The following FSTL5 variants were observed in gnomAD, a reference collection of about 807,000 sequenced individuals.
The protein encoded by FSTL5 is follistatin-related protein 5.
A neutral mutation model predicts 89.1 loss-of-function variants in FSTL5; 62 were observed. The ratio of observed to expected loss-of-function variants is 0.70; its 90% CI spans 0.57 to 0.86. FSTL5 has a LOEUF of 0.86. FSTL5 is among the 40% of genes least tolerant of loss of function. The probability of loss-of-function intolerance (pLI) is 0.00; values close to 1 mark genes in which losing one functional copy is unlikely to be tolerated. For synonymous variants in FSTL5, 383 were observed against 346.2 expected, an observed-to-expected ratio of 1.11 and a Z score of -1.18; for missense variants, 1,057 against 1,001.6, an observed-to-expected ratio of 1.06 and a Z score of -0.75.
chr4:161,698,744 G>T (rs138015506), intron 6 of FSTL5, among the ~76,000 whole-genome samples: 2,529 of 152,110 alleles, frequency 0.017, 26 homozygotes, highest in South Asian at 0.043. Context: ...CGTGGCCAAC[G>T]TGGTGAAACC....
intron 3 of FSTL5, among the ~76,000 whole-genome samples, chr4:161,975,803 A>AT (rs1735622949): frequency 3.4e-5 from 5 of 149,006 alleles, no homozygotes; most frequent in African/African-American, 9.8e-5. Context: ...ATAAAATAAA[A>AT]AATAAATAAA....
rs70937700 is a variant in FSTL5, at chr4:161,977,639, A to AAATAATAAT, written c.160+55977_160+55985dup. On this transcript the variant is annotated intron_variant, in intron 3 of 15. Transcript: ENST00000306100. ...AAAAAAAAAAAAAAAAAAAAAAAAA[A>AAATAATAAT]AATAATAATAATAATAATAATAATA... 9.5e-3 allele frequency among the ~76,000 whole-genome samples: 957 copies of AAATAATAAT among 100,964 alleles called. 10 individuals carry two copies. Among genetic ancestry groups the AAATAATAAT allele is most frequent in the African/African-American group, 0.016 (382 of 24,304 alleles). The allele number at this position is 100,964 out of a possible 152,430, so 66.2% of individuals were successfully genotyped here.
At chr4:162,077,400 T>C (rs979053991) in intron 2 of FSTL5, among the ~76,000 whole-genome samples, 2 of 151,838 alleles carry the variant, frequency 1.3e-5, no homozygotes, top group African/African-American at 4.8e-5. Flanking sequence ...ATGCAAACCA[T>C]AGTAATATGT....
rs577471119 is a variant in FSTL5, at chr4:162,084,082, G to A, written c.126+27189C>T. On this transcript the variant is annotated intron_variant, in intron 2 of 15. Transcript: ENST00000306100. ...TAACAGGGATGATATATGCCCATTC[G>A]AATATTAAAATATATCATAAAATTA... 3.3e-5 allele frequency among the ~76,000 whole-genome samples: 5 copies of A among 151,830 alleles called. No individual in the cohort carries two copies. The East Asian group carries it at 9.7e-4, about 29-fold the overall frequency.
chr4:161,831,984 A>C (rs976863961), intron 4 of FSTL5, among the ~76,000 whole-genome samples: 1 of 152,042 alleles, frequency 6.6e-6, no homozygotes. Flanking sequence ...GACCAGTTAA[A>C]ACCATGAATT....
At chr4:161,393,392 A>G (rs1038198696) in intron 15 of FSTL5, among the ~76,000 whole-genome samples, 10 of 151,686 alleles carry the variant, frequency 6.6e-5, no homozygotes, top group Non-Finnish European at 1.3e-4. Context: ...AATGGAGAGA[A>G]AATAAATGGT....
At chr4:161,867,987 A>G (rs1732144963) in intron 4 of FSTL5, among the ~76,000 whole-genome samples, 1 of 152,132 alleles carries the variant, frequency 6.6e-6, no homozygotes, top group Admixed American at 6.6e-5. Context: ...ATAAAAAATT[A>G]AAAATGAGAG....
chr4:161,685,338 A>C (rs34191750), intron 6 of FSTL5, among the ~76,000 whole-genome samples: 46,308 of 152,018 alleles, frequency 0.3, 7,758 homozygotes, highest in Middle Eastern at 0.45. Context: ...TGCTTTTGGC[A>C]GTATGGTCGT....
chr4:161,709,576 T>C (rs1738704663), intron 6 of FSTL5, among the ~76,000 whole-genome samples: 1 of 152,022 alleles, frequency 6.6e-6, no homozygotes, highest in South Asian at 2.1e-4. Flanking sequence ...CGAGGCAGGA[T>C]GATTGCTTAA....
intron 7 of FSTL5, among the ~76,000 whole-genome samples, chr4:161,589,162 G>T (rs1475977300): frequency 9.4e-6 from 1 of 106,068 alleles, no homozygotes; most frequent in Non-Finnish European, 2.0e-5. Context: ...TTAATTGTTG[G>T]TTTTTGTTTG....
At chr4:161,547,820 T>C (rs1282211793) in intron 8 of FSTL5, among the ~76,000 whole-genome samples, 2 of 151,904 alleles carry the variant, frequency 1.3e-5, no homozygotes, top group Non-Finnish European at 1.5e-5. Context: ...AAAGATTCTT[T>C]AGATGAATTG....
chr4:161,431,535 G>C (rs1379076147), intron 15 of FSTL5, among the ~76,000 whole-genome samples: 2 of 150,412 alleles, frequency 1.3e-5, no homozygotes, highest in East Asian at 3.9e-4. Flanking sequence ...AAAGAAGACA[G>C]AAAGGGAGAA....
chr4:161,568,298 T>C (rs1732889204), intron 8 of FSTL5, among the ~76,000 whole-genome samples: 1 of 152,172 alleles, frequency 6.6e-6, no homozygotes, highest in Non-Finnish European at 1.5e-5. Flanking sequence ...GTGCAACATC[T>C]GATGCTTTGA....
chr4:161,469,692 C>G (rs1037456935), intron 13 of FSTL5, among the ~76,000 whole-genome samples: 20 of 150,194 alleles, frequency 1.3e-4, no homozygotes, highest in Non-Finnish European at 2.5e-4. Flanking sequence ...GGCTGGAGTG[C>G]AGTGGTGCCA....
intron 6 of FSTL5, among the ~76,000 whole-genome samples, chr4:161,678,236 C>T (rs919798866): frequency 1.3e-5 from 2 of 151,678 alleles, no homozygotes; most frequent in Non-Finnish European, 3.0e-5. Flanking sequence ...AGCCCCCACA[C>T]TTGGAAATAA....
intron 15 of FSTL5, among the ~76,000 whole-genome samples, chr4:161,449,339 G>A (rs1448430015): frequency 6.6e-6 from 1 of 152,032 alleles, no homozygotes; most frequent in Non-Finnish European, 1.5e-5. Context: ...TTCCTCTCAA[G>A]AAATAAGAGC....
chr4:162,156,827 C>T (rs1293291707), intron 1 of FSTL5, among the ~76,000 whole-genome samples: 1 of 152,036 alleles, frequency 6.6e-6, no homozygotes, highest in African/African-American at 2.4e-5. Flanking sequence ...ATCACTCATA[C>T]CCCAGACCTC....
chr4:161,896,103 C>T (rs1370022403), intron 4 of FSTL5, among the ~76,000 whole-genome samples: 1 of 152,078 alleles, frequency 6.6e-6, no homozygotes, highest in Non-Finnish European at 1.5e-5. Flanking sequence ...AGCCTTCATA[C>T]TTTTGATATA....
chr4:161,636,382 T>G (rs2126661913), intron 7 of FSTL5, among the ~76,000 whole-genome samples: 1 of 151,876 alleles, frequency 6.6e-6, no homozygotes, highest in Admixed American at 6.6e-5. Flanking sequence ...TATTAAACAT[T>G]ATCCATAATC....
Sources: gnomAD v4.1 joint callset for allele counts (sites outside exome capture counted in the v4.1 genomes callset) on GRCh38, gnomAD v4.1.1 for gene constraint, MANE v1.5 for transcripts, NCBI Gene and HGNC (gene_info 2026-07-23, HGNC 2026-07-21) for gene names.